Variants in ASAP2 observed in about 807,000 individuals in gnomAD.
ASAP2 encodes ArfGAP with SH3 domain, ankyrin repeat and PH domain 2.
ASAP2 carries 45 observed loss-of-function variants against 131.4 expected under a neutral mutation model. That is an observed-to-expected ratio of 0.34 (90% CI 0.27 to 0.44). The LOEUF is 0.44. Among genes scored for constraint, ASAP2 ranks in the 20% least tolerant of loss-of-function variants. The probability of loss-of-function intolerance (pLI) is 1.00; values close to 1 mark genes in which losing one functional copy is unlikely to be tolerated. For synonymous variants in ASAP2, 510 were observed against 503.0 expected (o/e 1.01, Z -0.19); for missense variants, 1,011 against 1,297.0 (o/e 0.78, Z 3.39).
At chr2:9,380,070 G>A (rs1187486082) in intron 19 of ASAP2, among the ~76,000 whole-genome samples, 1 of 152,068 alleles carries the variant, frequency 6.6e-6, no homozygotes, top group African/African-American at 2.4e-5. Flanking sequence ...TTGTTATATT[G>A]CAGTGCATGG....
intron 15 of ASAP2, among the ~76,000 whole-genome samples, chr2:9,360,539 G>A (rs2715869): frequency 0.075 from 11,458 of 152,114 alleles, 1,153 homozygotes; most frequent in African/African-American, 0.23. Flanking sequence ...CCCAACAAAT[G>A]TTTAACAGTC....
At chr2:9,339,762 G>A (rs186899387) in intron 9 of ASAP2, among the ~76,000 whole-genome samples, 10 of 152,142 alleles carry the variant, frequency 6.6e-5, no homozygotes, top group African/African-American at 2.2e-4. Context: ...TCTGACTCAA[G>A]ATGCTGTCAT....
chr2:9,270,785 A>ATTTTTTTTTT lies in ASAP2; in HGVS notation c.127-8516_127-8507dup, dbSNP rs35913703. ...AGTCTCCATGAGTTCAATTGTTTTC[A>ATTTTTTTTTT]TTTTTTTTTTTTTTTTTTTTTTTTT... is the stretch of plus-strand genomic sequence containing the variant. On this transcript the variant is annotated intron_variant, in intron 1 of 27. Transcript: ENST00000281419. 5.1e-4 allele frequency among the ~76,000 whole-genome samples: 27 copies of ATTTTTTTTTT among 52,928 alleles called. 3 individuals carry two copies. The highest frequency in any genetic ancestry group is 6.4e-4 in the African/African-American group (9 of 13,982). The allele number at this position is 52,928 out of a possible 152,430, so 34.7% of individuals were successfully genotyped here.
intron 15 of ASAP2, among the ~76,000 whole-genome samples, chr2:9,361,602 C>G (rs1307067984): frequency 6.6e-6 from 1 of 151,834 alleles, no homozygotes; most frequent in Non-Finnish European, 1.5e-5. Flanking sequence ...GGGTCTCACT[C>G]CATGACCCAG....
chr2:9,321,254 G>A (rs761987745), intron 5 of ASAP2, among the ~76,000 whole-genome samples: 5 of 152,004 alleles, frequency 3.3e-5, no homozygotes, highest in African/African-American at 4.8e-5. Context: ...AGTGGTGAAG[G>A]ATCACAAAGC....
At chr2:9,279,880 A>ATTTACGCATACATATTT (rs1553303065) in intron 2 of ASAP2, among the ~76,000 whole-genome samples, 3 of 151,634 alleles carry the variant, frequency 2.0e-5, no homozygotes, top group African/African-American at 7.3e-5. Context: ...ACACATATAT[A>ATTTACGCATACATATTT]TTTACACATA....
chr2:9,356,207 G>C lies in ASAP2; in HGVS notation c.1189G>C (p.Glu397Gln). The change falls in exon 14 of 28, where the codon GAA (glutamate) becomes CAA (glutamine). Residue 397 changes from glutamate to glutamine, a missense_variant. Glu to Gln is a conservative substitution (Grantham distance 29). Around this residue, in one of 2 missense-constraint regions of ASAP2, gnomAD observed 359 missense variants for 598.1 expected, o/e 0.60. Transcript: ENST00000281419. The part of the protein sequence containing the change: ...IWMSVLQNSK[E>Q]EALNNAFKGD... ...GATGTCTGTGCTGCAAAATAGCAAA[G>C]AAGAAGCTTTAAACAATGCATTTAA... 6.2e-7 allele frequency: 1 copy of C among 1,614,042 alleles called. No homozygotes were observed.
chr2:9,254,525 GGAT>G (rs1417438863), intron 1 of ASAP2, among the ~76,000 whole-genome samples: 7 of 81,314 alleles, frequency 8.6e-5, no homozygotes, highest in African/African-American at 1.6e-4. Flanking sequence ...GCTAATTTTT[GGAT>G]TTTTTTTTTT....
chr2:9,274,946 G>A (rs1280374194), intron 1 of ASAP2, among the ~76,000 whole-genome samples: 1 of 152,152 alleles, frequency 6.6e-6, no homozygotes, highest in Non-Finnish European at 1.5e-5. Flanking sequence ...TCAGGGACGG[G>A]TGTGTCCCAT....
At chr2:9,369,009 C>CGGAGAAGCTTTTTTT (rs1673711144) in intron 16 of ASAP2, among the ~76,000 whole-genome samples, 1 of 149,852 alleles carries the variant, frequency 6.7e-6, no homozygotes, top group Non-Finnish European at 1.5e-5. Flanking sequence ...CACAACTTGA[C>CGGAGAAGCTTTTTTT]GGAGAAGCTT....
At chr2:9,283,973 G>A (rs546020499) in intron 2 of ASAP2, among the ~76,000 whole-genome samples, 1 of 152,260 alleles carries the variant, frequency 6.6e-6, no homozygotes, top group South Asian at 2.1e-4. Context: ...ATGAATCTGG[G>A]GGAAGGGACG....
chr2:9,223,852 A>G (rs1426063021), intron 1 of ASAP2, among the ~76,000 whole-genome samples: 3 of 152,170 alleles, frequency 2.0e-5, no homozygotes, highest in East Asian at 3.9e-4. Flanking sequence ...CTACTCTGGA[A>G]TCCTTGCAGG....
chr2:9,374,614 C>A, intron 16 of ASAP2, 141 bp from the exon 17 acceptor site: 1 of 748,262 alleles, frequency 1.3e-6, no homozygotes, highest in Non-Finnish European at 2.1e-6. Context: ...ACATGGCGGC[C>A]ACTCCCGCTT....
rs1669323653 is a variant in ASAP2 at position 9,311,826 on chromosome 2, A to G, written c.346-6698A>G. On this transcript the variant is annotated intron_variant, in intron 3 of 27. Coordinates refer to ENST00000281419, the MANE Select transcript of ASAP2 (RefSeq NM_003887.3). This position sits in a 1 kb window ranked among gnomAD's most constrained non-coding sequence, Gnocchi z 5.2. The stretch of plus-strand genomic sequence containing the variant: ...CCCACGCACTTGTTCTCTGGCCCAG[A>G]CAGAGACCAGAGTGGCCATGTCCTG... 6.6e-6 allele frequency among the ~76,000 whole-genome samples: 1 copy of G among 152,176 alleles called. No individual in the cohort carries two copies. Among genetic ancestry groups the G allele is most frequent in the Non-Finnish European group, 1.5e-5 (1 of 68,032 alleles).
chr2:9,241,653 A>G (rs1294722435), intron 1 of ASAP2, among the ~76,000 whole-genome samples: 1 of 152,220 alleles, frequency 6.6e-6, no homozygotes, highest in Non-Finnish European at 1.5e-5. Flanking sequence ...AACAACAACA[A>G]AAAACTAATT....
At chr2:9,384,594 G>C (rs1202080564) in intron 20 of ASAP2, among the ~76,000 whole-genome samples, 1 of 152,228 alleles carries the variant, frequency 6.6e-6, no homozygotes, top group African/African-American at 2.4e-5. Context: ...ATTTGCTGGA[G>C]TGGCTCATAG....
At position 9,392,159 on chromosome 2, in the gene ASAP2, A is replaced by G. The variant is rs1675780023; in HGVS notation, c.2518+963A>G. ...TGTGGGCCACCACGCCCAGCCTGGC[A>G]TGTTTTCTTTAATATCAACATGTGG... On this transcript the variant is annotated intron_variant, in intron 23 of 27. Transcript: ENST00000281419. The surrounding 1 kb of genome is among the most constrained non-coding windows in gnomAD (Gnocchi z 4.0). Among the ~76,000 whole-genome samples, 1 of 152,204 alleles carries G rather than the reference A, an allele frequency of 6.6e-6. No homozygotes were observed. Among genetic ancestry groups the G allele is most frequent in the Non-Finnish European group, 1.5e-5 (1 of 68,030 alleles).
chr2:9,398,389 T>C (rs1676355956), intron 24 of ASAP2, among the ~76,000 whole-genome samples: 1 of 152,086 alleles, frequency 6.6e-6, no homozygotes, highest in East Asian at 1.9e-4. Context: ...CGTGCACCTG[T>C]AGTCCCAACT....
rs200991549 is a variant in ASAP2, at chr2:9,207,059, C to A, written c.-46C>A. 3.6e-4 allele frequency: 525 copies of A among 1,439,580 alleles called. 1 individual carries two copies. The East Asian group carries it at 5.0e-3, about 14-fold the overall frequency. 89.2% of individuals were successfully genotyped at this position (1,439,580 alleles called of 1,614,324 possible). Reference sequence around the variant, plus strand: ...TCGGAGCCTGCTGCGGCAGTTGAGGCGGCGGCGCCCCTGCGGCTGTGCGCC... The same window carrying A: ...TCGGAGCCTGCTGCGGCAGTTGAGGAGGCGGCGCCCCTGCGGCTGTGCGCC... On this transcript the variant is annotated 5_prime_UTR_variant, in exon 1 of 28. Transcript: ENST00000281419. The surrounding 1 kb of genome is among the most constrained non-coding windows in gnomAD (Gnocchi z 4.1).
Sources: allele counts gnomAD v4.1 joint callset (sites outside exome capture counted in the v4.1 genomes callset), GRCh38; gene constraint gnomAD v4.1.1; regional missense constraint gnomAD v4.1.1; non-coding constraint Gnocchi (gnomAD v3.1); transcripts MANE v1.5; gene names NCBI Gene and HGNC (gene_info 2026-07-23, HGNC 2026-07-21).